The following ITPR2 variants were observed in gnomAD, a reference collection of about 807,000 sequenced individuals.
ITPR2 encodes inositol 1,4,5-trisphosphate-gated calcium channel ITPR2.
In ITPR2, 207 loss-of-function variants were observed where a neutral mutation model predicts 317.1. The observed-to-expected ratio is 0.65, with a 90% confidence interval of 0.58 to 0.73. ITPR2 has a LOEUF of 0.73. Among genes scored for constraint, ITPR2 ranks in the 30% least tolerant of loss-of-function variants. The probability of loss-of-function intolerance (pLI) is 0.00; values close to 1 mark genes in which losing one functional copy is unlikely to be tolerated. For synonymous variants in ITPR2, 1,156 were observed against 1,149.1 expected, an observed-to-expected ratio of 1.01 and a Z score of -0.12; for missense variants, 2,613 against 3,284.0, an observed-to-expected ratio of 0.80 and a Z score of 4.99.
intron 9 of ITPR2, among the ~76,000 whole-genome samples, chr12:26,701,756 A>C (rs538521485): frequency 1.3e-5 from 2 of 152,338 alleles, no homozygotes; most frequent in Non-Finnish European, 2.9e-5. Context: ...TTAGCTAATT[A>C]ATTAAATCCA....
At position 26,832,678 on chromosome 12, in the gene ITPR2, T is replaced by A. The variant is rs1951136016; in HGVS notation, c.92+12A>T. 6.3e-7 allele frequency: 1 copy of A among 1,586,430 alleles called. No individual in the cohort carries two copies. Among genetic ancestry groups the A allele is most frequent in the African/African-American group, 1.4e-5 (1 of 71,934 alleles). On this transcript the variant is annotated intron_variant, in intron 1 of 56. Coordinates refer to ENST00000381340, the MANE Select transcript of ITPR2 (RefSeq NM_002223.4). ...GAGCGCGAGCGCTGCCCAGCCCTCG[T>A]CTCCCGCTTACCCCAAGGTGCTGAT...
At chr12:26,694,762 C>T (rs1012098688) in intron 10 of ITPR2, among the ~76,000 whole-genome samples, 2 of 152,144 alleles carry the variant, frequency 1.3e-5, no homozygotes, top group Admixed American at 6.6e-5. Flanking sequence ...ACCCAGTGCG[C>T]TAAAATTGAA....
chr12:26,556,562 TTTTTTG>T (rs1293253136), intron 35 of ITPR2, among the ~76,000 whole-genome samples, 187 bp from the exon 36 acceptor site: 4 of 99,202 alleles, frequency 4.0e-5, no homozygotes, highest in South Asian at 3.7e-4. Context: ...CTCTATTTTT[TTTTTTG>T]TGTGTGTGTG....
At chr12:26,725,803 G>T in intron 2 of ITPR2, 38 bp from the exon 3 acceptor site, 1 of 1,314,788 alleles carries the variant, frequency 7.6e-7, no homozygotes, top group Non-Finnish European at 1.1e-6. Flanking sequence ...TGTAACTAAG[G>T]CTACTAGCAT....
intron 42 of ITPR2, among the ~76,000 whole-genome samples, chr12:26,482,544 G>A (rs1333381505): frequency 6.6e-6 from 1 of 152,100 alleles, no homozygotes; most frequent in Non-Finnish European, 1.5e-5. Flanking sequence ...GAATTTGTAT[G>A]TTTTTCCTTA....
intron 26 of ITPR2, among the ~76,000 whole-genome samples, chr12:26,617,057 G>A (rs993768072): frequency 6.6e-6 from 1 of 152,092 alleles, no homozygotes; most frequent in African/African-American, 2.4e-5. Context: ...TCAACAGTAG[G>A]CTATTAGTAC....
At position 26,487,058 on chromosome 12, in the gene ITPR2, A is replaced by C; in HGVS notation, c.5554+10T>G. 2 of 1,607,804 alleles carry C rather than the reference A, an allele frequency of 1.2e-6. No individual in the cohort carries two copies. The highest frequency in any genetic ancestry group is 2.2e-5 in the South Asian group (2 of 90,826). On this transcript the variant is annotated intron_variant, in intron 40 of 56. Coordinates refer to ENST00000381340, the MANE Select transcript of ITPR2 (RefSeq NM_002223.4). ...ACTCTGTTCTCCCAAATACTCAAAT[A>C]CTTCTTTACCTCTCATTCGTGGACC...
chr12:26,584,562 A>G (rs570275125), intron 32 of ITPR2, among the ~76,000 whole-genome samples: 3 of 152,288 alleles, frequency 2.0e-5, no homozygotes, highest in South Asian at 4.1e-4. Context: ...TCTATGGTAA[A>G]TAAGTTACCA....
At chr12:26,768,228 C>T (rs1172641163) in intron 2 of ITPR2, among the ~76,000 whole-genome samples, 2 of 142,932 alleles carry the variant, frequency 1.4e-5, no homozygotes, top group African/African-American at 2.6e-5. Flanking sequence ...TATCCCAGGA[C>T]ACAGGAAGGG....
intron 1 of ITPR2, among the ~76,000 whole-genome samples, chr12:26,813,343 C>G (rs1950789226): frequency 6.6e-6 from 1 of 152,102 alleles, no homozygotes; most frequent in Admixed American, 6.6e-5. Context: ...TTGTTGTGTA[C>G]ACATAAAGAG....
At chr12:26,652,336 T>A (rs1565666922) in intron 21 of ITPR2, among the ~76,000 whole-genome samples, 1 of 152,264 alleles carries the variant, frequency 6.6e-6, no homozygotes, top group African/African-American at 2.4e-5. Flanking sequence ...TATTGATTTG[T>A]ACAGTTTTTT....
chr12:26,758,619 A>G (rs1949572254), intron 2 of ITPR2, among the ~76,000 whole-genome samples: 1 of 152,214 alleles, frequency 6.6e-6, no homozygotes, highest in Non-Finnish European at 1.5e-5. Flanking sequence ...CAGATTAGGC[A>G]CTGGAATGAG....
In ITPR2 at chr12:26,526,041, T is replaced by C. The variant is rs1025231250; in HGVS notation, c.5073+24206A>G. Among the ~76,000 whole-genome samples, 5 of 152,310 alleles carry C rather than the reference T, an allele frequency of 3.3e-5. 1 individual carries two copies. The South Asian group carries it at 8.3e-4, about 25-fold the overall frequency. ...TTTATCTCCAGCTCTTTGCTCACAC[T>C]CTCACCCAGACGAGAAGGTCCCCTT... On this transcript the variant is annotated intron_variant, in intron 37 of 56. Transcript: ENST00000381340.
intron 51 of ITPR2, among the ~76,000 whole-genome samples, chr12:26,414,048 TGTAC>T (rs200637855): frequency 0.26 from 12,682 of 48,950 alleles, 1,089 homozygotes; most frequent in Admixed American, 0.48. Context: ...CATGTATATA[TGTAC>T]ACACACACAC....
chr12:26,747,952 T>G (rs1391571928), intron 2 of ITPR2, among the ~76,000 whole-genome samples: 1 of 152,204 alleles, frequency 6.6e-6, no homozygotes, highest in African/African-American at 2.4e-5. Context: ...GCTACTCCAG[T>G]GTCCGAATAA....
chr12:26,794,358 C>CA (rs1223890166), intron 1 of ITPR2, among the ~76,000 whole-genome samples: 1 of 152,144 alleles, frequency 6.6e-6, no homozygotes, highest in Non-Finnish European at 1.5e-5. Context: ...ATTATTTTCA[C>CA]AAATGCCAAC....
intron 52 of ITPR2, among the ~76,000 whole-genome samples, chr12:26,403,616 TA>T (rs1001559002): frequency 3.3e-5 from 5 of 151,756 alleles, no homozygotes; most frequent in South Asian, 2.1e-4. Flanking sequence ...ACTCTGTCTC[TA>T]AAAAAAACAA....
At chr12:26,490,996 A>G (rs1942787699) in intron 39 of ITPR2, among the ~76,000 whole-genome samples, 1 of 152,184 alleles carries the variant, frequency 6.6e-6, no homozygotes. Context: ...AAATAACACA[A>G]CGCATTTGAG....
At position 26,739,509 on chromosome 12, in the gene ITPR2, TGAA is replaced by T. The variant is rs1949193699; in HGVS notation, c.164-13747_164-13745del. 2.0e-5 allele frequency among the ~76,000 whole-genome samples: 3 copies of T among 152,130 alleles called. No homozygotes were observed. In the South Asian group the frequency reaches 6.2e-4, roughly 32 times the overall value. ...ATGCAGTACTGATCCTGAACATGGATGAATCTCAAACACATCTTACTAAGTGAA... is the reference window on the plus strand; with the variant it reads ...ATGCAGTACTGATCCTGAACATGGATTCTCAAACACATCTTACTAAGTGAA... On this transcript the variant is annotated intron_variant, in intron 2 of 56. Coordinates refer to ENST00000381340, the MANE Select transcript of ITPR2 (RefSeq NM_002223.4).
Sources: allele counts gnomAD v4.1 joint callset (sites outside exome capture counted in the v4.1 genomes callset), GRCh38; gene constraint gnomAD v4.1.1; transcripts MANE v1.5; gene names NCBI Gene and HGNC (gene_info 2026-07-23, HGNC 2026-07-21).